Variants in PTPRD observed in about 807,000 individuals in gnomAD.
PTPRD encodes the protein receptor-type tyrosine-protein phosphatase delta.
In PTPRD, 34 loss-of-function variants were observed where a neutral mutation model predicts 214.5. The observed-to-expected ratio is 0.16, with a 90% confidence interval of 0.12 to 0.21. The LOEUF is 0.21. Ranked by LOEUF, PTPRD falls within the 10% of genes least tolerant of loss-of-function variation. The pLI is 1.00. For missense variants in PTPRD, 2,545 were observed against 2,398.7 expected, an observed-to-expected ratio of 1.06 and a Z score of -1.27; for synonymous variants, 1,128 against 845.7, an observed-to-expected ratio of 1.33 and a Z score of -5.79.
At chr9:8,545,398 T>G (rs1040957907) in intron 14 of PTPRD, among the ~76,000 whole-genome samples, 2 of 152,204 alleles carry the variant, frequency 1.3e-5, no homozygotes, top group African/African-American at 4.8e-5. Context: ...ACAAGCTGTT[T>G]TCTGGATTAT....
At chr9:10,253,060 G>A (rs1461783082) in intron 3 of PTPRD, among the ~76,000 whole-genome samples, 1 of 151,980 alleles carries the variant, frequency 6.6e-6, no homozygotes, top group Admixed American at 6.6e-5. Context: ...TGGGATTAGA[G>A]GTATGAGCCA....
At chr9:9,889,502 C>T (rs925025592) in intron 5 of PTPRD, among the ~76,000 whole-genome samples, 9 of 152,066 alleles carry the variant, frequency 5.9e-5, no homozygotes, top group Non-Finnish European at 1.3e-4. Context: ...CTTATAGATT[C>T]GGATGAAGAC....
At chr9:8,522,548 T>G (rs1024936771) in intron 19 of PTPRD, among the ~76,000 whole-genome samples, 1 of 152,184 alleles carries the variant, frequency 6.6e-6, no homozygotes, top group African/African-American at 2.4e-5. Flanking sequence ...CACATTCAAA[T>G]TGAGGGACAC....
At chr9:9,801,269 A>C (rs1294691293) in intron 5 of PTPRD, among the ~76,000 whole-genome samples, 2 of 152,104 alleles carry the variant, frequency 1.3e-5, no homozygotes, top group African/African-American at 4.8e-5. Flanking sequence ...TGACAAAGTA[A>C]AGCTACTAGC....
At chr9:8,498,576 T>C (rs889400121) in intron 25 of PTPRD, among the ~76,000 whole-genome samples, 5 of 152,240 alleles carry the variant, frequency 3.3e-5, no homozygotes, top group African/African-American at 1.2e-4. Context: ...AGTTTTCAAC[T>C]TGCTTCATAA....
At chr9:9,546,149 ATTTTG>A (rs968579060) in intron 8 of PTPRD, among the ~76,000 whole-genome samples, 3 of 151,476 alleles carry the variant, frequency 2.0e-5, no homozygotes, top group African/African-American at 7.3e-5. Flanking sequence ...TTTCAGTGAA[ATTTTG>A]TTTTGTTTTG....
intron 2 of PTPRD, among the ~76,000 whole-genome samples, chr9:10,471,553 T>C (rs1415859542): frequency 6.6e-6 from 1 of 152,084 alleles, no homozygotes; most frequent in African/African-American, 2.4e-5. Context: ...TTTCTTCAAA[T>C]CTCAGTTTCC....
chr9:8,776,264 A>G (rs1371189819), intron 11 of PTPRD, among the ~76,000 whole-genome samples: 2 of 152,210 alleles, frequency 1.3e-5, no homozygotes, highest in African/African-American at 4.8e-5. Flanking sequence ...GTAAAATGGG[A>G]TGTTGTCAAA....
chr9:9,725,556 A>C (rs2098072947), intron 7 of PTPRD, among the ~76,000 whole-genome samples: 1 of 152,134 alleles, frequency 6.6e-6, no homozygotes, highest in South Asian at 2.1e-4. Context: ...CTCTGTCTAC[A>C]TTCAGGGCTT....
At chr9:10,551,552 G>C (rs2061363554) in intron 2 of PTPRD, among the ~76,000 whole-genome samples, 1 of 152,062 alleles carries the variant, frequency 6.6e-6, no homozygotes, top group Non-Finnish European at 1.5e-5. Flanking sequence ...TTGTAAAACA[G>C]GCCCTAAAGA....
At chr9:10,171,044 A>G (rs886562628) in intron 3 of PTPRD, among the ~76,000 whole-genome samples, 4 of 152,218 alleles carry the variant, frequency 2.6e-5, no homozygotes, top group Non-Finnish European at 5.9e-5. Flanking sequence ...TAGGCAAACC[A>G]TATATATTTG....
intron 6 of PTPRD, among the ~76,000 whole-genome samples, chr9:9,741,806 T>C (rs1020135119): frequency 1.3e-5 from 2 of 152,214 alleles, no homozygotes; most frequent in African/African-American, 4.8e-5. Context: ...TATGGCTGCA[T>C]AGTATTCCAT....
At chr9:10,258,921 A>C (rs1222572263) in intron 3 of PTPRD, among the ~76,000 whole-genome samples, 3 of 152,378 alleles carry the variant, frequency 2.0e-5, no homozygotes, top group South Asian at 2.1e-4. Flanking sequence ...AAATATGATA[A>C]ATTCAACTTT....
intron 10 of PTPRD, among the ~76,000 whole-genome samples, chr9:9,043,202 G>A (rs535451082): frequency 6.6e-6 from 1 of 152,138 alleles, no homozygotes; most frequent in East Asian, 1.9e-4. Context: ...GGAAAGCTCT[G>A]GCATCATTCT....
chr9:8,759,545 G>A (rs747198795), intron 11 of PTPRD, among the ~76,000 whole-genome samples: 3 of 151,164 alleles, frequency 2.0e-5, no homozygotes, highest in Non-Finnish European at 4.4e-5. Context: ...TTTTTACACT[G>A]TCAATCTTAC....
chr9:10,220,552 T>C (rs1388881686), intron 3 of PTPRD, among the ~76,000 whole-genome samples: 1 of 151,954 alleles, frequency 6.6e-6, no homozygotes, highest in Non-Finnish European at 1.5e-5. Context: ...CAAGCTGTCA[T>C]TACAAATTTA....
Position 10,207,305 on chromosome 9 carries a change from CT to C in PTPRD, c.-545+133657del, listed in dbSNP as rs562004639. On this transcript the variant is annotated intron_variant, in intron 3 of 45. Transcript: ENST00000381196. Reference sequence around the variant, plus strand: ...TTTAATTCAGCATAACATTTTTGAGCTTTATGGTTTTGTATATATCAACAGT... The same window carrying C: ...TTTAATTCAGCATAACATTTTTGAGCTTATGGTTTTGTATATATCAACAGT... Among the ~76,000 whole-genome samples, 12 of 151,954 alleles carry C rather than the reference CT, an allele frequency of 7.9e-5. No individual in the cohort carries two copies. In the South Asian group the frequency reaches 2.3e-3, roughly 29 times the overall value.
chr9:10,079,226 G>T (rs1051313600), intron 3 of PTPRD, among the ~76,000 whole-genome samples: 1 of 152,066 alleles, frequency 6.6e-6, no homozygotes, highest in African/African-American at 2.4e-5. Flanking sequence ...TTAAGGTTGT[G>T]CCTGACTGTC....
chr9:9,424,297 C>A (rs891668884), intron 8 of PTPRD, among the ~76,000 whole-genome samples: 1 of 152,182 alleles, frequency 6.6e-6, no homozygotes, highest in Non-Finnish European at 1.5e-5. Flanking sequence ...ATCTCAGAGT[C>A]TATTTCCTGG....
Sources: gnomAD v4.1 joint callset for allele counts (sites outside exome capture counted in the v4.1 genomes callset) on GRCh38, gnomAD v4.1.1 for gene constraint, MANE v1.5 for transcripts, NCBI Gene and HGNC (gene_info 2026-07-23, HGNC 2026-07-21) for gene names.